Variants in CSMD1 observed in about 807,000 individuals in gnomAD.
CSMD1 encodes CUB and Sushi multiple domains 1, also known as CUB and sushi domain-containing protein 1.
Under a neutral mutation model 417.5 loss-of-function variants are expected in CSMD1, and 213 were observed. The ratio of observed to expected loss-of-function variants is 0.51; its 90% CI spans 0.46 to 0.57. The LOEUF (loss-of-function observed/expected upper bound fraction) is 0.57. CSMD1 is among the 20% of genes least tolerant of loss of function. The pLI is 0.00. For missense variants in CSMD1, 6,923 were observed against 4,529.7 expected, an observed-to-expected ratio of 1.53 and a Z score of -15.17; for synonymous variants, 2,862 against 1,736.8, an observed-to-expected ratio of 1.65 and a Z score of -16.11.
intron 19 of CSMD1, 80 bp from the exon 20 acceptor site, chr8:3,367,327 G>C (rs533534290): frequency 3.6e-6 from 3 of 836,724 alleles, no homozygotes; most frequent in Non-Finnish European, 5.8e-6. Context: ...GAGCGGGGCA[G>C]AGAGAGACAG....
At chr8:4,265,154 AG>A (rs1286278233) in intron 3 of CSMD1, among the ~76,000 whole-genome samples, 2 of 151,996 alleles carry the variant, frequency 1.3e-5, no homozygotes, top group Non-Finnish European at 2.9e-5. Flanking sequence ...GACTATTATT[AG>A]TAAAAATAAA....
intron 3 of CSMD1, among the ~76,000 whole-genome samples, chr8:4,209,446 G>C (rs1021615282): frequency 2.0e-5 from 3 of 152,184 alleles, no homozygotes; most frequent in Non-Finnish European, 4.4e-5. Flanking sequence ...ATCAAGCCAA[G>C]TGAGGACATT....
chr8:3,292,713 T>C (rs1169683170), intron 25 of CSMD1, among the ~76,000 whole-genome samples: 2 of 152,224 alleles, frequency 1.3e-5, no homozygotes, highest in Non-Finnish European at 2.9e-5. Context: ...TTTGAGCCTA[T>C]GTGTGTCTCT....
At chr8:3,311,195 C>T (rs1805317291) in intron 23 of CSMD1, among the ~76,000 whole-genome samples, 1 of 152,104 alleles carries the variant, frequency 6.6e-6, no homozygotes, top group Non-Finnish European at 1.5e-5. Context: ...TAGCACAAAG[C>T]CTATTTATTT....
chr8:4,687,834 C>A (rs1351123309), intron 1 of CSMD1, among the ~76,000 whole-genome samples: 3 of 91,654 alleles, frequency 3.3e-5, no homozygotes. Context: ...CACATACATA[C>A]ATACACACAC....
Position 3,468,886 on chromosome 8 carries a change from G to A in CSMD1, c.1449-62C>T, listed in dbSNP as rs544401737. 9.2e-5 allele frequency: 101 copies of A among 1,098,606 alleles called. 1 individual carries two copies. Among genetic ancestry groups the A allele is most frequent in the Non-Finnish European group, 1.3e-4 (97 of 750,212 alleles). The allele number at this position is 1,098,606 out of a possible 1,614,324, so 68.1% of individuals were successfully genotyped here. On this transcript the variant is annotated intron_variant, in intron 11 of 69. Coordinates refer to ENST00000635120, the MANE Select transcript of CSMD1 (RefSeq NM_033225.6). Reference sequence around the variant, plus strand: ...GCAACAAGTACATCGACTTCCACCTGAAAGGAGGGTCTTGCTGCTTTAAAC... The same window carrying A: ...GCAACAAGTACATCGACTTCCACCTAAAAGGAGGGTCTTGCTGCTTTAAAC...
intron 3 of CSMD1, among the ~76,000 whole-genome samples, chr8:4,136,064 G>T (rs1714799): frequency 1.3e-5 from 2 of 151,872 alleles, no homozygotes; most frequent in African/African-American, 2.4e-5. Context: ...CACTTGGCAA[G>T]AGAAAAAAAA....
chr8:4,759,146 G>T (rs919632474), intron 1 of CSMD1, among the ~76,000 whole-genome samples: 10 of 152,204 alleles, frequency 6.6e-5, no homozygotes, highest in Non-Finnish European at 1.2e-4. Flanking sequence ...TGACACATTT[G>T]TAAAGGCCTC....
intron 33 of CSMD1, among the ~76,000 whole-genome samples, chr8:3,196,029 C>T (rs1291000116): frequency 6.6e-6 from 1 of 152,086 alleles, no homozygotes; most frequent in Non-Finnish European, 1.5e-5. Flanking sequence ...GAGGTCGGCA[C>T]AAGGTATAGA....
At chr8:4,348,735 G>A (rs531029174) in intron 3 of CSMD1, among the ~76,000 whole-genome samples, 17 of 152,098 alleles carry the variant, frequency 1.1e-4, no homozygotes, top group Middle Eastern at 6.8e-3. Context: ...TCGTCTTTAG[G>A]AAGACCGTGA....
chr8:3,935,150 GAAGC>G (rs1810398317), intron 5 of CSMD1, among the ~76,000 whole-genome samples: 1 of 152,080 alleles, frequency 6.6e-6, no homozygotes, highest in Admixed American at 6.6e-5. Flanking sequence ...AGATTTTTAA[GAAGC>G]AAGAATATGG....
rs968517423 is a variant in CSMD1 at position 4,568,049 on chromosome 8, C to G, written c.302+69293G>C. Among the ~76,000 whole-genome samples the G allele has an allele frequency of 2.6e-5, 4 of 152,040 alleles. No homozygotes were observed. The South Asian group carries it at 6.2e-4, about 24-fold the overall frequency. On this transcript the variant is annotated intron_variant, in intron 2 of 69. Transcript: ENST00000635120. ...CTAAAATGTGCTTATTGCATGTGGA[C>G]TGATACTGTAAAATGTGAATGCTTG...
intron 3 of CSMD1, among the ~76,000 whole-genome samples, chr8:4,396,119 T>A (rs967790635): frequency 6.6e-6 from 1 of 152,150 alleles, no homozygotes; most frequent in Non-Finnish European, 1.5e-5. Flanking sequence ...TAAGTTTTAC[T>A]ACTGTAATGG....
chr8:4,487,632 G>A (rs555424029), intron 2 of CSMD1, among the ~76,000 whole-genome samples: 5 of 152,102 alleles, frequency 3.3e-5, no homozygotes, highest in African/African-American at 4.8e-5. Flanking sequence ...GTAGAAATAA[G>A]GCACACCCTT....
intron 5 of CSMD1, among the ~76,000 whole-genome samples, chr8:3,953,441 T>C (rs1322737817): frequency 1.3e-5 from 2 of 152,142 alleles, no homozygotes; most frequent in African/African-American, 4.8e-5. Flanking sequence ...AAAAATTATT[T>C]TGCACAGAGA....
At chr8:4,737,759 G>T (rs1178173613) in intron 1 of CSMD1, among the ~76,000 whole-genome samples, 1 of 152,150 alleles carries the variant, frequency 6.6e-6, no homozygotes, top group Non-Finnish European at 1.5e-5. Flanking sequence ...GCAATAGAAA[G>T]GCCAGAGAAG....
intron 2 of CSMD1, among the ~76,000 whole-genome samples, chr8:4,532,342 G>A (rs1264320098): frequency 7.0e-6 from 1 of 142,804 alleles, no homozygotes; most frequent in Admixed American, 7.1e-5. Context: ...CAGTCACTCT[G>A]AAAGAGAAAT....
At chr8:3,966,730 C>G (rs774206813) in intron 5 of CSMD1, among the ~76,000 whole-genome samples, 1 of 101,802 alleles carries the variant, frequency 9.8e-6, no homozygotes, top group Non-Finnish European at 1.9e-5. Context: ...TTCACACACA[C>G]AGACACACAC....
chr8:3,854,919 A>T (rs904540838), intron 5 of CSMD1, among the ~76,000 whole-genome samples: 3 of 152,148 alleles, frequency 2.0e-5, no homozygotes, highest in African/African-American at 7.2e-5. Flanking sequence ...CATTTCTAAC[A>T]TGTAACAATG....
Sources: gnomAD v4.1 joint callset for allele counts (sites outside exome capture counted in the v4.1 genomes callset) on GRCh38, gnomAD v4.1.1 for gene constraint, MANE v1.5 for transcripts, NCBI Gene and HGNC (gene_info 2026-07-23, HGNC 2026-07-21) for gene names.